The following CDYL variants were observed in gnomAD, a reference collection of about 807,000 sequenced individuals.
The protein encoded by CDYL is chromodomain Y like.
Under a neutral mutation model 47.3 loss-of-function variants are expected in CDYL, and 8 were observed. The ratio of observed to expected loss-of-function variants is 0.17; its 90% CI spans 0.10 to 0.31. The LOEUF is 0.31. Among genes scored for constraint, CDYL ranks in the 10% least tolerant of loss-of-function variants. The pLI, the probability that CDYL is intolerant of heterozygous loss-of-function variation, is 1.00. For missense variants in CDYL, 471 were observed against 701.4 expected (o/e 0.67, Z 3.71); for synonymous variants, 266 against 265.0 (o/e 1.00, Z -0.04).
intron 5 of CDYL, among the ~76,000 whole-genome samples, chr6:4,945,864 G>A (rs556177728): frequency 2.0e-5 from 3 of 152,356 alleles, no homozygotes; most frequent in Admixed American, 1.3e-4. Flanking sequence ...TGGTCACAAC[G>A]CACCACCCTG....
intron 2 of CDYL, among the ~76,000 whole-genome samples, chr6:4,926,953 G>A (rs1481440077): frequency 2.0e-5 from 3 of 152,286 alleles, no homozygotes; most frequent in East Asian, 3.9e-4. Flanking sequence ...TAGGAGCTCA[G>A]CATGTGTAAG....
chr6:4,944,228 C>A (rs1758446828), intron 5 of CDYL, among the ~76,000 whole-genome samples: 1 of 152,184 alleles, frequency 6.6e-6, no homozygotes, highest in South Asian at 2.1e-4. Context: ...AGCAGTTATT[C>A]ACATCTCATT....
chr6:4,765,567 C>T (rs1003594990), intron 3 of CDYL, among the ~76,000 whole-genome samples: 4 of 150,380 alleles, frequency 2.7e-5, no homozygotes, highest in Non-Finnish European at 3.0e-5. Context: ...TTTTGTTTCC[C>T]GTTTTTTTTT....
At chr6:4,787,286 C>T (rs953245150) in intron 1 of CDYL, among the ~76,000 whole-genome samples, 2 of 152,106 alleles carry the variant, frequency 1.3e-5, no homozygotes, top group East Asian at 3.8e-4. Context: ...ATTCGTTGTG[C>T]CCTTCCTTCA....
At position 4,953,908 on chromosome 6, in the gene CDYL, A is replaced by G. The variant is rs1173551097; in HGVS notation, c.1487A>G (p.Glu496Gly). Residue 496 changes from glutamate (E) to glycine (G), a missense_variant, in exon 7 of 7, where the codon GAA (glutamate) becomes GGA (glycine). Physicochemically the swap from Glu to Gly is moderately conservative, Grantham distance 98. Transcript: ENST00000397588. The part of the protein sequence containing the change: ...LASCNPVVLE[E>G]SKALVRCNMK... ...TGTTTTCCGGTGCAGGTGCTTGAGGAATCCAAAGCCCTCGTGCGCTGCAAC... is the reference window on the plus strand; with the variant it reads ...TGTTTTCCGGTGCAGGTGCTTGAGGGATCCAAAGCCCTCGTGCGCTGCAAC... 1 of 1,612,578 alleles carries G rather than the reference A, an allele frequency of 6.2e-7. No individual in the cohort carries two copies. Among genetic ancestry groups the G allele is most frequent in the East Asian group, 2.2e-5 (1 of 44,874 alleles).
intron 1 of CDYL, among the ~76,000 whole-genome samples, chr6:4,831,650 A>T (rs1394969951): frequency 6.6e-6 from 1 of 152,010 alleles, no homozygotes; most frequent in Admixed American, 6.6e-5. Context: ...ATGGCATTGA[A>T]TCTATAAATT....
chr6:4,805,970 G>T (rs1429221113), intron 1 of CDYL, among the ~76,000 whole-genome samples: 2 of 152,254 alleles, frequency 1.3e-5, no homozygotes, highest in African/African-American at 4.8e-5. Context: ...GAAAGGAGAT[G>T]TGTACAGAGG....
chr6:4,713,484 T>C (rs1046540043), intron 1 of CDYL, among the ~76,000 whole-genome samples: 5 of 152,216 alleles, frequency 3.3e-5, no homozygotes, highest in African/African-American at 1.2e-4. Context: ...TAAAGACAAC[T>C]CGACTCTATC....
At chr6:4,932,209 A>G (rs773776439) in intron 2 of CDYL, among the ~76,000 whole-genome samples, 108 of 152,326 alleles carry the variant, frequency 7.1e-4, no homozygotes, top group Admixed American at 1.5e-3. Flanking sequence ...GCTTGTAAAT[A>G]CACAACAGAA....
At position 4,944,129 on chromosome 6, in the gene CDYL, G is replaced by A. The variant is rs73352347; in HGVS notation, c.1332+373G>A. Among the ~76,000 whole-genome samples, 451 of 152,294 alleles carry A rather than the reference G, an allele frequency of 3.0e-3. 3 individuals carry two copies. The highest frequency in any genetic ancestry group is 0.01 in the African/African-American group (435 of 41,550). ...AGTTACATAGGATTAGAGGGTTGTC[G>A]TCCATATAATTGTGTGTTTTTATTT... On this transcript the variant is annotated intron_variant, in intron 5 of 6. Coordinates refer to ENST00000397588, the MANE Select transcript of CDYL (RefSeq NM_004824.4).
chr6:4,902,321 G>A (rs6920006), intron 2 of CDYL, among the ~76,000 whole-genome samples: 6,169 of 151,146 alleles, frequency 0.041, 312 homozygotes, highest in African/African-American at 0.12. Context: ...CAGGAGAATC[G>A]CTTGAACCCG....
At chr6:4,924,214 C>G (rs1757800958) in intron 2 of CDYL, among the ~76,000 whole-genome samples, 1 of 152,200 alleles carries the variant, frequency 6.6e-6, no homozygotes, top group Non-Finnish European at 1.5e-5. Flanking sequence ...AGTCCCCTCA[C>G]TGCTTTTGGC....
At chr6:4,933,215 G>A (rs1758081731) in intron 2 of CDYL, among the ~76,000 whole-genome samples, 1 of 152,196 alleles carries the variant, frequency 6.6e-6, no homozygotes, top group Admixed American at 6.5e-5. Flanking sequence ...TGTCAGTTCA[G>A]CCATTTCTGG....
At chr6:4,789,032 G>A (rs1758843676) in intron 1 of CDYL, among the ~76,000 whole-genome samples, 1 of 152,094 alleles carries the variant, frequency 6.6e-6, no homozygotes, top group Admixed American at 6.6e-5. Flanking sequence ...CCCGGGAATA[G>A]CCAAGCCATA....
chr6:4,863,332 C>T (rs186742082), intron 1 of CDYL, among the ~76,000 whole-genome samples: 6 of 152,286 alleles, frequency 3.9e-5, no homozygotes, highest in African/African-American at 1.4e-4. Flanking sequence ...CAAACTTGTA[C>T]ATGTAGTCCC....
intron 1 of CDYL, among the ~76,000 whole-genome samples, chr6:4,843,120 G>A (rs967371500): frequency 6.6e-6 from 1 of 152,124 alleles, no homozygotes; most frequent in Non-Finnish European, 1.5e-5. Flanking sequence ...AGGAGGCTAA[G>A]GATAGCCCTC....
intron 3 of CDYL, among the ~76,000 whole-genome samples, chr6:4,765,450 A>T (rs1004783292): frequency 6.6e-6 from 1 of 152,218 alleles, no homozygotes; most frequent in Admixed American, 6.5e-5. Context: ...TCAACTAAAT[A>T]ATAATAAAAA....
chr6:4,894,965 AT>A (rs1299868693), intron 2 of CDYL, among the ~76,000 whole-genome samples: 1 of 72,644 alleles, frequency 1.4e-5, no homozygotes, highest in Non-Finnish European at 3.3e-5. Context: ...ATATATACGT[AT>A]GTGTATATGT....
At chr6:4,912,558 A>T (rs753857321) in intron 2 of CDYL, among the ~76,000 whole-genome samples, 1 of 152,258 alleles carries the variant, frequency 6.6e-6, no homozygotes, top group Non-Finnish European at 1.5e-5. Flanking sequence ...TGAAGTGGAA[A>T]CATGATGTGT....
Sources: gnomAD v4.1 joint callset for allele counts (sites outside exome capture counted in the v4.1 genomes callset) on GRCh38, gnomAD v4.1.1 for gene constraint, MANE v1.5 for transcripts, NCBI Gene and HGNC (gene_info 2026-07-23, HGNC 2026-07-21) for gene names.